The following INVS variants were observed in gnomAD, a reference collection of about 807,000 sequenced individuals.
The protein encoded by INVS is inversion of embryo turning homolog.
INVS carries 86 observed loss-of-function variants against 108.8 expected under a neutral mutation model. That is an observed-to-expected ratio of 0.79 (90% CI 0.66 to 0.95). The LOEUF (loss-of-function observed/expected upper bound fraction) is 0.95, where lower values mean the gene tolerates loss of function less well. Ranked by LOEUF, INVS falls within the 40% of genes least tolerant of loss-of-function variation. The pLI is 0.00. For synonymous variants in INVS, 455 were observed against 473.5 expected (o/e 0.96, Z 0.51); for missense variants, 1,169 against 1,297.4 (o/e 0.90, Z 1.52).
intron 3 of INVS, among the ~76,000 whole-genome samples, chr9:100,170,580 TA>T (rs138663380): frequency 0.017 from 2,591 of 151,114 alleles, 78 homozygotes; most frequent in African/African-American, 0.06. Context: ...AAAAATAAAA[TA>T]AAAAAGGAAA....
In INVS at chr9:100,266,029, G is replaced by A. The variant is rs769837941; in HGVS notation, c.1571+1101G>A. 3.9e-4 allele frequency among the ~76,000 whole-genome samples: 59 copies of A among 152,068 alleles called. 1 individual carries two copies. Among genetic ancestry groups the A allele is most frequent in the South Asian group, 1.0e-3 (5 of 4,822 alleles). ...AGGAGGCGGAGGTTGCAGTGAGCCC[G>A]AGATCATGCCACTGCACTCCAGCCT... On this transcript the variant is annotated intron_variant, in intron 11 of 16. Coordinates refer to ENST00000262457, the MANE Select transcript of INVS (RefSeq NM_014425.5).
chr9:100,100,955 TTA>T (rs1212566773), intron 1 of INVS, among the ~76,000 whole-genome samples: 16 of 31,860 alleles, frequency 5.0e-4, no homozygotes, highest in African/African-American at 2.5e-3. Context: ...TACATATATA[TTA>T]TATATATAAT....
At chr9:100,268,719 T>C (rs923276304) in intron 11 of INVS, among the ~76,000 whole-genome samples, 5 of 152,182 alleles carry the variant, frequency 3.3e-5, no homozygotes, top group South Asian at 2.1e-4. Flanking sequence ...AATAAAAATA[T>C]ATTTTTTTAC....
In INVS at chr9:100,300,857, A is replaced by G; in HGVS notation, c.*183A>G. 1.6e-6 allele frequency: 1 copy of G among 635,092 alleles called. No individual in the cohort carries two copies. Among genetic ancestry groups the G allele is most frequent in the South Asian group, 1.8e-5 (1 of 54,482 alleles). 39.3% of individuals were successfully genotyped at this position (635,092 alleles called of 1,614,324 possible). ...TGTTTCCTTTCTGCTCTTACACAGC[A>G]TTGTTTTGTCAATCAACACAGCCTG... is the stretch of plus-strand genomic sequence containing the variant. On this transcript the variant is annotated 3_prime_UTR_variant, in exon 17 of 17. Coordinates refer to ENST00000262457, the MANE Select transcript of INVS (RefSeq NM_014425.5).
At chr9:100,156,944 A>ACG (rs58491382) in intron 3 of INVS, among the ~76,000 whole-genome samples, 2 of 18,934 alleles carry the variant, frequency 1.1e-4, no homozygotes, top group African/African-American at 7.6e-4. Context: ...ATATATATAT[A>ACG]CACACACACA....
intron 3 of INVS, among the ~76,000 whole-genome samples, chr9:100,167,632 A>G (rs534284448): frequency 8.5e-5 from 13 of 152,164 alleles, no homozygotes; most frequent in Non-Finnish European, 1.8e-4. Context: ...CTAAAATACT[A>G]TATATTTTAC....
rs962868203 is a variant in INVS, at chr9:100,301,408, A to C, written c.*734A>C. ...CAACAGCCGTATTACAGTATCAAGG[A>C]TTCTGTCAGGTAGGGTTTACAGACC... On this transcript the variant is annotated 3_prime_UTR_variant, in exon 17 of 17. Coordinates refer to ENST00000262457, the MANE Select transcript of INVS (RefSeq NM_014425.5). 6.6e-6 allele frequency among the ~76,000 whole-genome samples: 1 copy of C among 152,150 alleles called. No individual in the cohort carries two copies. The highest frequency in any genetic ancestry group is 1.5e-5 in the Non-Finnish European group (1 of 68,030).
intron 3 of INVS, among the ~76,000 whole-genome samples, chr9:100,166,185 G>T (rs149435221): frequency 1.0e-3 from 154 of 152,220 alleles, no homozygotes; most frequent in African/African-American, 3.4e-3. Context: ...GCAGAACCAG[G>T]GTTCAAATAT....
At chr9:100,117,705 T>TA (rs1322638573) in intron 2 of INVS, 2 of 580,742 alleles carry the variant, frequency 3.4e-6, no homozygotes, top group Non-Finnish European at 6.1e-6. Context: ...AAGTTTATGA[T>TA]ACGTTTTGAG....
chr9:100,129,002 TAG>T (rs1433211226), intron 3 of INVS, among the ~76,000 whole-genome samples: 1 of 151,380 alleles, frequency 6.6e-6, no homozygotes, highest in Admixed American at 6.6e-5. Context: ...CAGGGCAACA[TAG>T]AGAGACTCTA....
chr9:100,291,799 GT>G (rs1227221050), intron 13 of INVS, among the ~76,000 whole-genome samples: 4 of 152,156 alleles, frequency 2.6e-5, no homozygotes, highest in Non-Finnish European at 5.9e-5. Flanking sequence ...TCATCTCTAA[GT>G]GCTGGAGAGC....
Position 100,146,183 on chromosome 9 carries a change from C to T in INVS, c.273+19634C>T, listed in dbSNP as rs185434335. Among the ~76,000 whole-genome samples the T allele has an allele frequency of 1.3e-3, 201 of 152,214 alleles. 1 individual carries two copies. The highest frequency in any genetic ancestry group is 4.6e-3 in the African/African-American group (191 of 41,514). On this transcript the variant is annotated intron_variant, in intron 3 of 16. Transcript: ENST00000262457. ...TGAGCAGCAAGGCTGTTTATTTCAC[C>T]TGGGTGCAGGCGGGCTGAGTCTGAA...
At chr9:100,100,788 A>T (rs1348215051) in intron 1 of INVS, among the ~76,000 whole-genome samples, 4 of 5,970 alleles carry the variant, frequency 6.7e-4, no homozygotes, top group Non-Finnish European at 8.7e-4. Flanking sequence ...AATATATATT[A>T]TATATATAAT....
At chr9:100,132,987 C>A (rs1442342359) in intron 3 of INVS, among the ~76,000 whole-genome samples, 1 of 152,084 alleles carries the variant, frequency 6.6e-6, no homozygotes, top group Non-Finnish European at 1.5e-5. Flanking sequence ...TGCCTATAAT[C>A]CCAGCTACTC....
rs1196285017 is a variant in INVS at position 100,142,649 on chromosome 9, G to T, written c.273+16100G>T. ...TGAATATAGCTGAAGGAGCCAGGGA[G>T]CAGAGAGTATATGCATCAGGTATGA... On this transcript the variant is annotated intron_variant, in intron 3 of 16. Coordinates refer to ENST00000262457, the MANE Select transcript of INVS (RefSeq NM_014425.5). Among the ~76,000 whole-genome samples, 3 of 152,152 alleles carry T rather than the reference G, an allele frequency of 2.0e-5. No homozygotes were observed. In the East Asian group the frequency reaches 5.8e-4, roughly 29 times the overall value.
At chr9:100,231,023 G>A (rs1433759829) in intron 5 of INVS, among the ~76,000 whole-genome samples, 1 of 152,140 alleles carries the variant, frequency 6.6e-6, no homozygotes, top group East Asian at 1.9e-4. Flanking sequence ...TGTTATAGGT[G>A]TATAGGAATG....
At chr9:100,185,411 A>G (rs985930162) in intron 3 of INVS, among the ~76,000 whole-genome samples, 1 of 150,820 alleles carries the variant, frequency 6.6e-6, no homozygotes, top group Admixed American at 6.6e-5. Flanking sequence ...CACCATTATG[A>G]TTTTTAACAC....
intron 14 of INVS, among the ~76,000 whole-genome samples, chr9:100,296,456 C>T (rs375901604): frequency 1.3e-5 from 2 of 152,196 alleles, no homozygotes; most frequent in Admixed American, 6.5e-5. Context: ...CTTTCTGGCA[C>T]AAATGCCTCT....
At chr9:100,227,412 A>G (rs1036019758) in intron 4 of INVS, among the ~76,000 whole-genome samples, 1 of 152,174 alleles carries the variant, frequency 6.6e-6, no homozygotes, top group Non-Finnish European at 1.5e-5. Context: ...ATTGCTGACA[A>G]TGCTACTCAC....
Sources: gnomAD v4.1 joint callset for allele counts (sites outside exome capture counted in the v4.1 genomes callset) on GRCh38, gnomAD v4.1.1 for gene constraint, MANE v1.5 for transcripts, NCBI Gene and HGNC (gene_info 2026-07-23, HGNC 2026-07-21) for gene names.